The following TBC1D14 variants were observed in gnomAD, a reference collection of about 807,000 sequenced individuals.
TBC1D14 encodes TBC1 domain family member 14, also known as TBC1 domain family, member 14.
TBC1D14 carries 26 observed loss-of-function variants against 79.0 expected under a neutral mutation model. That is an observed-to-expected ratio of 0.33 (90% CI 0.24 to 0.46). The LOEUF is 0.46. Ranked by LOEUF, TBC1D14 falls within the 20% of genes least tolerant of loss-of-function variation. TBC1D14 has a pLI of 1.00. For missense variants in TBC1D14, 769 were observed against 887.6 expected (o/e 0.87, Z 1.70); for synonymous variants, 394 against 349.9 (o/e 1.13, Z -1.40).
chr4:6,947,224 G>T (rs911305269), intron 2 of TBC1D14, among the ~76,000 whole-genome samples: 6 of 152,218 alleles, frequency 3.9e-5, no homozygotes, highest in African/African-American at 1.4e-4. Flanking sequence ...TAGGGCAGGC[G>T]CGGTGGCTCA....
At chr4:6,924,254 C>G (rs1724100954) in intron 2 of TBC1D14, 143 bp downstream of exon 2, 1 of 1,047,196 alleles carries the variant, frequency 9.5e-7, no homozygotes, top group African/African-American at 1.9e-5. Context: ...TTCCCAGAAG[C>G]CCGGAATCCT....
intron 4 of TBC1D14, among the ~76,000 whole-genome samples, chr4:6,995,161 AAG>A (rs1056715932): frequency 6.6e-6 from 1 of 152,222 alleles, no homozygotes; most frequent in Non-Finnish European, 1.5e-5. Flanking sequence ...ACGCTTCTGA[AAG>A]AGAGCACGAA....
chr4:7,009,379 C>T (rs1402007194), intron 9 of TBC1D14, among the ~76,000 whole-genome samples: 1 of 152,144 alleles, frequency 6.6e-6, no homozygotes, highest in Non-Finnish European at 1.5e-5. Context: ...AAATGGTAGC[C>T]ACCAGGACTT....
intron 5 of TBC1D14, among the ~76,000 whole-genome samples, chr4:6,998,426 A>T (rs1577145553): frequency 1.3e-5 from 2 of 151,204 alleles, no homozygotes; most frequent in African/African-American, 4.9e-5. Context: ...TTGGAAGGGG[A>T]TAGGGCTGGG....
At chr4:7,017,579 A>G (rs576027701) in intron 12 of TBC1D14, among the ~76,000 whole-genome samples, 1 of 152,296 alleles carries the variant, frequency 6.6e-6, no homozygotes, top group Admixed American at 6.5e-5. Flanking sequence ...GAGTAAATGA[A>G]AAGGAAGTGG....
intron 12 of TBC1D14, among the ~76,000 whole-genome samples, chr4:7,017,474 C>G (rs980418443): frequency 1.3e-5 from 2 of 152,126 alleles, no homozygotes; most frequent in Admixed American, 1.3e-4. Context: ...GCAGTGTCAC[C>G]CATAAGATGG....
chr4:6,912,493 T>G (rs1402477811), intron 1 of TBC1D14, among the ~76,000 whole-genome samples: 2 of 152,216 alleles, frequency 1.3e-5, no homozygotes, highest in Admixed American at 6.5e-5. Flanking sequence ...CTGATCTGCT[T>G]GGCTAGTCAC....
At chr4:6,946,054 T>G (rs1713421333) in intron 2 of TBC1D14, among the ~76,000 whole-genome samples, 1 of 152,108 alleles carries the variant, frequency 6.6e-6, no homozygotes, top group Non-Finnish European at 1.5e-5. Flanking sequence ...AGACTTCAGC[T>G]CAAATATAGG....
chr4:6,986,444 T>C (rs1717832597), intron 3 of TBC1D14, among the ~76,000 whole-genome samples: 1 of 152,244 alleles, frequency 6.6e-6, no homozygotes, highest in Non-Finnish European at 1.5e-5. Context: ...TCTAAGTCTT[T>C]GCTATCACTT....
intron 8 of TBC1D14, 96 bp from the exon 9 acceptor site, chr4:7,006,536 T>C: frequency 8.8e-7 from 1 of 1,136,192 alleles, no homozygotes; most frequent in South Asian, 1.4e-5. Flanking sequence ...TGAAAAACTT[T>C]TTTCCGTGTT....
intron 2 of TBC1D14, among the ~76,000 whole-genome samples, chr4:6,963,415 C>T (rs916458717): frequency 2.0e-5 from 3 of 152,260 alleles, no homozygotes; most frequent in Admixed American, 1.3e-4. Flanking sequence ...GTCGGGCAGA[C>T]AGCACAGATG....
Position 7,006,275 on chromosome 4 carries a change from ATGTG to A in TBC1D14, c.1352-341_1352-338del, listed in dbSNP as rs558201839. ...GATGTTTGAGATCGAGCAGTGATAT[ATGTG>A]TGTGTGTGTGTGTGTTTATGCTTGG... On this transcript the variant is annotated intron_variant, in intron 8 of 13. Transcript: ENST00000409757. Among the ~76,000 whole-genome samples the A allele has an allele frequency of 1.6e-4, 24 of 151,234 alleles. No homozygotes were observed. In the East Asian group the frequency reaches 4.3e-3, roughly 27 times the overall value.
At chr4:6,984,200 G>T (rs779610616) in intron 3 of TBC1D14, among the ~76,000 whole-genome samples, 1 of 152,284 alleles carries the variant, frequency 6.6e-6, no homozygotes, top group African/African-American at 2.4e-5. Flanking sequence ...ACAGTCAGTC[G>T]TGTGGACTTA....
intron 2 of TBC1D14, among the ~76,000 whole-genome samples, chr4:6,924,738 T>TG (rs534565936): frequency 7.7e-4 from 117 of 152,214 alleles, no homozygotes; most frequent in Non-Finnish European, 3.8e-4. Flanking sequence ...CCTGAAGCCC[T>TG]GGGGGGGCCG....
At chr4:7,009,337 A>G (rs556576134) in intron 9 of TBC1D14, among the ~76,000 whole-genome samples, 1 of 152,354 alleles carries the variant, frequency 6.6e-6, no homozygotes, top group South Asian at 2.1e-4. Flanking sequence ...GAAATGTTAG[A>G]GGGGTGGAAG....
intron 2 of TBC1D14, among the ~76,000 whole-genome samples, chr4:6,943,766 C>T (rs917216812): frequency 3.3e-5 from 5 of 152,334 alleles, no homozygotes; most frequent in East Asian, 1.9e-4. Flanking sequence ...GGGGCCACAC[C>T]GTCCTCCTGT....
intron 11 of TBC1D14, among the ~76,000 whole-genome samples, chr4:7,011,868 G>A (rs1048404779): frequency 3.3e-5 from 5 of 151,810 alleles, no homozygotes; most frequent in Non-Finnish European, 7.4e-5. Context: ...ATCACTGTCT[G>A]ATTTGCTGAT....
At chr4:6,981,035 TTTTTTTA>T (rs1240386297) in intron 3 of TBC1D14, among the ~76,000 whole-genome samples, 2 of 150,344 alleles carry the variant, frequency 1.3e-5, no homozygotes, top group African/African-American at 4.9e-5. Flanking sequence ...TTTTTTTTTT[TTTTTTTA>T]AAGACTGAGT....
intron 5 of TBC1D14, 79 bp downstream of exon 5, chr4:6,996,486 T>G (rs1676076955): frequency 8.7e-7 from 1 of 1,143,562 alleles, no homozygotes; most frequent in Non-Finnish European, 1.3e-6. Context: ...TTTTACCATT[T>G]GGAGTCATAG....
Sources: allele counts gnomAD v4.1 joint callset (sites outside exome capture counted in the v4.1 genomes callset), GRCh38; gene constraint gnomAD v4.1.1; transcripts MANE v1.5; gene names NCBI Gene and HGNC (gene_info 2026-07-23, HGNC 2026-07-21).